The following MYL6 variants were observed in gnomAD, a reference collection of about 807,000 sequenced individuals.
MYL6 encodes the protein myosin light chain 6.
In MYL6, 20 loss-of-function variants were observed where a neutral mutation model predicts 20.3. The ratio of observed to expected loss-of-function variants is 0.98; its 90% CI spans 0.69 to 1.43. The LOEUF is 1.43. MYL6 is among the 40% of genes most tolerant of loss of function. The pLI is 0.00. For synonymous variants in MYL6, 77 were observed against 72.4 expected, an observed-to-expected ratio of 1.06 and a Z score of -0.32; for missense variants, 164 against 191.0, an observed-to-expected ratio of 0.86 and a Z score of 0.83.
At chr12:56,159,762 G>C (rs759187366) in intron 3 of MYL6, 32 bp downstream of exon 3, 2 of 1,601,268 alleles carry the variant, frequency 1.2e-6, no homozygotes, top group South Asian at 2.2e-5. Flanking sequence ...TCCTCAGTGT[G>C]GTCATGGGCC....
rs559347359 is a variant in MYL6, at chr12:56,161,392, G to A, written c.*22G>A. ...CCCACCTTTCCTTTCCACAGAGCTC[G>A]TCCGCATGGTGCTGAATGGCTGAGG... is the stretch of plus-strand genomic sequence containing the variant. On this transcript the variant is annotated 3_prime_UTR_variant, in exon 7 of 7. Transcript: ENST00000550697. 3.1e-5 allele frequency: 50 copies of A among 1,614,086 alleles called. No individual in the cohort carries two copies. Among genetic ancestry groups the A allele is most frequent in the Middle Eastern group, 1.6e-4 (1 of 6,062 alleles).
chr12:56,159,889 T>C, intron 3 of MYL6, 86 bp from the exon 4 acceptor site: 2 of 1,531,230 alleles, frequency 1.3e-6, no homozygotes, highest in Non-Finnish European at 1.8e-6. Context: ...CTGTCATCTC[T>C]CTGTTCAGTT....
At chr12:56,159,042 G>A in intron 2 of MYL6, 1 of 846,224 alleles carries the variant, frequency 1.2e-6, no homozygotes, top group South Asian at 2.2e-5. Context: ...AGCTACTTCT[G>A]CCTCTTTTCT....
chr12:56,158,840 C>T (rs923952657), intron 2 of MYL6, 129 bp downstream of exon 2: 1 of 1,522,270 alleles, frequency 6.6e-7, no homozygotes, highest in South Asian at 1.3e-5. Context: ...GGATTATTTT[C>T]TCTTCTTCTG....
chr12:56,161,181 T>TG (rs1475436011), intron 6 of MYL6: 1 of 634,646 alleles, frequency 1.6e-6, no homozygotes, highest in Admixed American at 2.5e-5. Context: ...TAGGTTTGGG[T>TG]GGGGGACTAA....
intron 1 of MYL6, 123 bp from the exon 2 acceptor site, chr12:56,158,561 C>A: frequency 6.2e-7 from 1 of 1,613,250 alleles, no homozygotes; most frequent in Non-Finnish European, 8.5e-7. Flanking sequence ...TGCGGGGAAG[C>A]GAGTCTGCAG....
chr12:56,158,925 G>A (rs1871515426), intron 2 of MYL6: 14 of 1,420,428 alleles, frequency 9.9e-6, no homozygotes, highest in Admixed American at 6.1e-5. Context: ...CACTGGGTGA[G>A]TTTTAGGTGG....
chr12:56,158,390 T>C lies in MYL6; in HGVS notation c.-12T>C, dbSNP rs781202210. On this transcript the variant is annotated 5_prime_UTR_variant, in exon 1 of 7. Coordinates refer to ENST00000550697, the MANE Select transcript of MYL6 (RefSeq NM_021019.5). Reference sequence around the variant, plus strand: ...ACTGCAGGAAAAGGTCCCGGAGAGCTGAGCAGTCAAGATGGTGGGGCCCAG... The same window carrying C: ...ACTGCAGGAAAAGGTCCCGGAGAGCCGAGCAGTCAAGATGGTGGGGCCCAG... 1 of 1,521,924 alleles carries C rather than the reference T, an allele frequency of 6.6e-7. No homozygotes were observed. The highest frequency in any genetic ancestry group is 2.3e-5 in the Admixed American group (1 of 44,368). The allele number at this position is 1,521,924 out of a possible 1,614,324, so 94.3% of individuals were successfully genotyped here. A position where few individuals can be genotyped will look rare whatever the true frequency, so the allele number is the denominator to read the frequency against.
chr12:56,160,350 AAGC>A, intron 5 of MYL6, 30 bp downstream of exon 5: 1 of 1,613,652 alleles, frequency 6.2e-7, no homozygotes, highest in South Asian at 1.1e-5. Context: ...TTCTCAGAGA[AAGC>A]AGCCATATGG....
In MYL6 at chr12:56,158,415, G is replaced by A. The variant is rs1028055093; in HGVS notation, c.3+11G>A. On this transcript the variant is annotated intron_variant, in intron 1 of 6. Transcript: ENST00000550697. ...TGAGCAGTCAAGATGGTGGGGCCCA[G>A]GTCTTGGGAGACGGGCAGGATTGGG... 1.3e-6 allele frequency: 2 copies of A among 1,534,932 alleles called. No individual in the cohort carries two copies. The highest frequency in any genetic ancestry group is 1.4e-5 in the African/African-American group (1 of 72,136).
rs11553510 is a variant in MYL6 at position 56,160,069 on chromosome 12, C to T, written c.270C>T (p.Val90=). The change falls in exon 4 of 7, where the codon GTC becomes GTT. Residue 90 remains valine (V), a synonymous_variant. Transcript: ENST00000550697. ...NKDQGTYEDY[V]EGLRVFDKEG... is the part of the protein sequence containing the mutation. ...ACCAGGGCACCTATGAGGATTATGT[C>T]GAAGGACTTCGGGTGTTTGACAAGG... 273 of 1,614,012 alleles carry T rather than the reference C, an allele frequency of 1.7e-4. 2 individuals are homozygous for T. The highest frequency in any genetic ancestry group is 6.7e-5 in the Admixed American group (4 of 60,000).
intron 6 of MYL6, chr12:56,160,922 T>G: frequency 1.7e-6 from 1 of 589,314 alleles, no homozygotes; most frequent in South Asian, 2.1e-5. Context: ...GTCTGGGAAC[T>G]CTCACCAGCC....
intron 1 of MYL6, 139 bp from the exon 2 acceptor site, chr12:56,158,545 G>C: frequency 6.2e-7 from 1 of 1,612,600 alleles, no homozygotes; most frequent in Non-Finnish European, 8.5e-7. Flanking sequence ...GGAAAGACTG[G>C]GGCCCTGCGG....
chr12:56,160,184 G>C, intron 4 of MYL6, 36 bp downstream of exon 4: 1 of 1,613,580 alleles, frequency 6.2e-7, no homozygotes. Flanking sequence ...AGCTGAGATG[G>C]CACCCTGAGG....
Position 56,158,360 on chromosome 12 carries a change from C to A in MYL6, c.-42C>A. 2 of 1,514,956 alleles carry A rather than the reference C, an allele frequency of 1.3e-6. No homozygotes were observed. Among genetic ancestry groups the A allele is most frequent in the Non-Finnish European group, 8.8e-7 (1 of 1,134,090 alleles). 93.8% of individuals were successfully genotyped at this position (1,514,956 alleles called of 1,614,324 possible). On this transcript the variant is annotated 5_prime_UTR_variant, in exon 1 of 7. Transcript: ENST00000550697. ...ACTAGGGTTGGGCCGAGAGTCGGAG[C>A]CATTACTGCAGGAAAAGGTCCCGGA...
Position 56,161,371 on chromosome 12 carries a change from C to A in MYL6, c.*17-16C>A, listed in dbSNP as rs763911609. The A allele has an allele frequency of 2.5e-6, 4 of 1,614,136 alleles. No homozygotes were observed. In the South Asian group the frequency reaches 4.4e-5, roughly 18 times the overall value. ...CAGCCCTGTTCCCTGGCTCATCCCA[C>A]CTTTCCTTTCCACAGAGCTCGTCCG... On this transcript the variant is annotated splice_polypyrimidine_tract_variant and intron_variant, in intron 6 of 6. Coordinates refer to ENST00000550697, the MANE Select transcript of MYL6 (RefSeq NM_021019.5).
chr12:56,159,996 A>C lies in MYL6; in HGVS notation c.197A>C (p.Asp66Ala). The change falls in exon 4 of 7, where the codon GAC becomes GCC. Residue 66 changes from aspartate (D) to alanine (A), a missense_variant. Asp to Ala is a moderately radical substitution (Grantham distance 126, BLOSUM62 -2). Transcript: ENST00000550697. ...KSDEMNVKVL[D>A]FEHFLPMLQT... is the part of the protein sequence containing the mutation. ...GCAGAGATGAATGTGAAGGTGCTGG[A>C]CTTTGAGCACTTTCTGCCCATGCTG... is the stretch of plus-strand genomic sequence containing the variant. 1 of 1,613,510 alleles carries C rather than the reference A, an allele frequency of 6.2e-7. No homozygotes were observed. The highest frequency in any genetic ancestry group is 8.5e-7 in the Non-Finnish European group (1 of 1,179,736).
intron 6 of MYL6, 31 bp downstream of exon 6, chr12:56,160,701 GA>G (rs1338649069): frequency 6.2e-7 from 1 of 1,610,504 alleles, no homozygotes; most frequent in East Asian, 2.2e-5. Flanking sequence ...TCCTCTAGTT[GA>G]TCTCCCCAGT....
At chr12:56,160,381 G>A in intron 5 of MYL6, 61 bp downstream of exon 5, 1 of 1,601,032 alleles carries the variant, frequency 6.2e-7, no homozygotes, top group South Asian at 1.1e-5. Context: ...CAAGTATAGT[G>A]TCTGGGGCTT....
Sources: gnomAD v4.1 joint callset for allele counts on GRCh38, gnomAD v4.1.1 for gene constraint, MANE v1.5 for transcripts, NCBI Gene and HGNC (gene_info 2026-07-23, HGNC 2026-07-21) for gene names.